KCNK2: variants seen among roughly 807,000 people sequenced by gnomAD.
KCNK2 encodes potassium channel subfamily K member 2.
Under a neutral mutation model 40.5 loss-of-function variants are expected in KCNK2, and 21 were observed. The observed-to-expected ratio is 0.52, with a 90% CI of 0.37 to 0.75. The LOEUF is 0.75. KCNK2 is among the 30% of genes least tolerant of loss of function. The pLI, the probability that KCNK2 is intolerant of heterozygous loss-of-function variation, is 0.00. For synonymous variants in KCNK2, 191 were observed against 202.2 expected (o/e 0.94, Z 0.47); for missense variants, 399 against 531.6 (o/e 0.75, Z 2.45).
chr1:215,137,177 G>C (rs1412164791), intron 3 of KCNK2, among the ~76,000 whole-genome samples: 1 of 152,082 alleles, frequency 6.6e-6, no homozygotes, highest in African/African-American at 2.4e-5. Context: ...ATATTACTTA[G>C]GGTTTCCATT....
chr1:215,231,891 C>G (rs890504237), intron 6 of KCNK2, among the ~76,000 whole-genome samples: 1 of 152,096 alleles, frequency 6.6e-6, no homozygotes, highest in African/African-American at 2.4e-5. Flanking sequence ...GGGGAACTCC[C>G]CTTTATAAAA....
At chr1:215,083,655 T>G (rs1659287882) in intron 1 of KCNK2, 2 of 603,656 alleles carry the variant, frequency 3.3e-6, no homozygotes, top group Non-Finnish European at 5.9e-6. Flanking sequence ...GGTTTTTGCA[T>G]CTGCCTGAGG....
intron 6 of KCNK2, among the ~76,000 whole-genome samples, chr1:215,224,784 G>C (rs1443448971): frequency 6.6e-6 from 1 of 152,052 alleles, no homozygotes; most frequent in Non-Finnish European, 1.5e-5. Context: ...AAAATGTAGA[G>C]CTACAATTTG....
chr1:215,026,520 C>T (rs74140873), intron 1 of KCNK2, among the ~76,000 whole-genome samples: 3,540 of 151,680 alleles, frequency 0.023, 129 homozygotes, highest in African/African-American at 0.081. Flanking sequence ...CTTTTTTTCT[C>T]CCTGAAATTG....
chr1:215,213,724 T>A (rs1665838147), intron 6 of KCNK2, among the ~76,000 whole-genome samples: 1 of 152,158 alleles, frequency 6.6e-6, no homozygotes, highest in African/African-American at 2.4e-5. Context: ...TGAAACAGTA[T>A]TTCCTTAAAA....
chr1:215,057,694 G>A (rs1392817759), intron 1 of KCNK2, among the ~76,000 whole-genome samples: 1 of 152,136 alleles, frequency 6.6e-6, no homozygotes, highest in African/African-American at 2.4e-5. Flanking sequence ...GCATCAGGGA[G>A]AGAAAGGGCA....
chr1:215,093,742 A>ATTAT (rs59324247), intron 2 of KCNK2, among the ~76,000 whole-genome samples: 207 of 55,082 alleles, frequency 3.8e-3, no homozygotes, highest in Non-Finnish European at 4.8e-3. Context: ...TATATAATAT[A>ATTAT]AAAATATATT....
chr1:215,020,064 C>T (rs1656736831), intron 1 of KCNK2, among the ~76,000 whole-genome samples: 1 of 152,056 alleles, frequency 6.6e-6, no homozygotes. Flanking sequence ...TTAATTATCC[C>T]TTTTTTCCCT....
Position 215,086,573 on chromosome 1 carries a change from G to A in KCNK2, c.252G>A (p.Glu84=). The part of the protein sequence containing the change: ...IIGATVFKAL[E]QPHEISQRTT... Reference sequence around the variant, plus strand: ...GAGCCACCGTGTTCAAAGCATTGGAGCAGCCTCATGAGATTTCACAGAGGA... The same window carrying A: ...GAGCCACCGTGTTCAAAGCATTGGAACAGCCTCATGAGATTTCACAGAGGA... Residue 84 remains glutamate, a synonymous_variant, in exon 2 of 7, where the codon GAG becomes GAA. Coordinates refer to ENST00000444842, the MANE Select transcript of KCNK2 (RefSeq NM_001017425.3). 2 of 1,614,146 alleles carry A rather than the reference G, an allele frequency of 1.2e-6. No homozygotes were observed. The highest frequency in any genetic ancestry group is 1.1e-5 in the South Asian group (1 of 91,080).
chr1:215,032,451 A>G (rs1256674835), intron 1 of KCNK2, among the ~76,000 whole-genome samples: 1 of 152,068 alleles, frequency 6.6e-6, no homozygotes, highest in East Asian at 1.9e-4. Context: ...TTTTTTTATA[A>G]TTTTACCTTC....
At chr1:215,138,118 T>C (rs1237649940) in intron 3 of KCNK2, among the ~76,000 whole-genome samples, 1 of 152,160 alleles carries the variant, frequency 6.6e-6, no homozygotes, top group African/African-American at 2.4e-5. Context: ...CCAATGTAGG[T>C]GCTAGCAGAC....
At chr1:215,210,994 A>G (rs1374468295) in intron 6 of KCNK2, among the ~76,000 whole-genome samples, 1 of 152,112 alleles carries the variant, frequency 6.6e-6, no homozygotes. Flanking sequence ...ATTATTACAG[A>G]GACCTCCTAG....
intron 3 of KCNK2, among the ~76,000 whole-genome samples, chr1:215,141,544 G>A (rs1455126007): frequency 6.6e-6 from 1 of 152,088 alleles, no homozygotes; most frequent in Non-Finnish European, 1.5e-5. Flanking sequence ...CTCACGATTA[G>A]TTTATATAAC....
chr1:215,078,863 G>A (rs1345610181), upstream of KCNK2, among the ~76,000 whole-genome samples: 2 of 152,186 alleles, frequency 1.3e-5, no homozygotes, highest in African/African-American at 4.8e-5. Context: ...GGTAGAGGCA[G>A]AATACCCACA....
intron 3 of KCNK2, among the ~76,000 whole-genome samples, chr1:215,132,656 C>G (rs1661727359): frequency 1.3e-5 from 2 of 151,758 alleles, no homozygotes; most frequent in African/African-American, 4.8e-5. Context: ...TTTATCCCAT[C>G]TACTTAAATT....
intron 3 of KCNK2, among the ~76,000 whole-genome samples, chr1:215,139,475 G>T (rs1662074795): frequency 2.0e-5 from 3 of 152,090 alleles, no homozygotes; most frequent in African/African-American, 7.2e-5. Flanking sequence ...TGTTTGCAAT[G>T]GGTATTTTTT....
At chr1:215,162,082 G>C (rs527678261) in intron 3 of KCNK2, among the ~76,000 whole-genome samples, 3 of 152,110 alleles carry the variant, frequency 2.0e-5, no homozygotes, top group South Asian at 2.1e-4. Context: ...AGCCTCTCCA[G>C]CATCTGTTTC....
intron 6 of KCNK2, among the ~76,000 whole-genome samples, chr1:215,208,386 G>A (rs1303486082): frequency 1.3e-5 from 2 of 152,098 alleles, no homozygotes; most frequent in Non-Finnish European, 2.9e-5. Context: ...AGAGGAACAG[G>A]AAGATAATTA....
upstream of KCNK2, among the ~76,000 whole-genome samples, chr1:215,078,878 T>C (rs1344344062): frequency 6.6e-6 from 1 of 152,194 alleles, no homozygotes; most frequent in African/African-American, 2.4e-5. Context: ...CCCACAGACG[T>C]CTCTTTGACT....
Sources: allele counts gnomAD v4.1 joint callset (sites outside exome capture counted in the v4.1 genomes callset), GRCh38; gene constraint gnomAD v4.1.1; transcripts MANE v1.5; gene names NCBI Gene and HGNC (gene_info 2026-07-23, HGNC 2026-07-21).